The following PTPRD variants were observed in gnomAD, a reference collection of about 807,000 sequenced individuals.
PTPRD encodes the protein receptor-type tyrosine-protein phosphatase delta.
A neutral mutation model predicts 214.5 loss-of-function variants in PTPRD; 34 were observed. That is an observed-to-expected ratio of 0.16 (90% CI 0.12 to 0.21). The LOEUF is 0.21. PTPRD is among the 10% of genes least tolerant of loss of function. The pLI, the probability that PTPRD is intolerant of heterozygous loss-of-function variation, is 1.00. For missense variants in PTPRD, 2,545 were observed against 2,398.7 expected (o/e 1.06, Z -1.27); for synonymous variants, 1,128 against 845.7 (o/e 1.33, Z -5.79).
intron 35 of PTPRD, among the ~76,000 whole-genome samples, chr9:8,430,418 A>C (rs7467813): frequency 0.47 from 70,421 of 150,512 alleles, 17,037 homozygotes; most frequent in East Asian, 0.62. Flanking sequence ...CTACAGGTGC[A>C]TGCCACCACG....
chr9:10,583,730 G>A (rs1002258570), intron 2 of PTPRD, among the ~76,000 whole-genome samples: 12 of 151,730 alleles, frequency 7.9e-5, no homozygotes, highest in African/African-American at 2.7e-4. Flanking sequence ...CGCCTGCCTC[G>A]GCCTCCCAAA....
At chr9:9,175,629 A>ACAAAC (rs1554914061) in intron 10 of PTPRD, among the ~76,000 whole-genome samples, 3,576 of 111,022 alleles carry the variant, frequency 0.032, 121 homozygotes, top group South Asian at 0.06. Flanking sequence ...TCTCAAAAAA[A>ACAAAC]AAAAAAAAAA....
chr9:8,584,073 G>A (rs1213077282), intron 14 of PTPRD, among the ~76,000 whole-genome samples: 1 of 152,150 alleles, frequency 6.6e-6, no homozygotes, highest in Non-Finnish European at 1.5e-5. Context: ...AGGATCACCT[G>A]AGCCTGGTAG....
chr9:10,234,024 G>A (rs1475660327), intron 3 of PTPRD, among the ~76,000 whole-genome samples: 4 of 151,352 alleles, frequency 2.6e-5, no homozygotes, highest in Admixed American at 1.3e-4. Flanking sequence ...AGGCCGAGGC[G>A]GGTGGTTCAC....
At chr9:10,472,440 T>C (rs553853805) in intron 2 of PTPRD, among the ~76,000 whole-genome samples, 3 of 152,286 alleles carry the variant, frequency 2.0e-5, no homozygotes, top group African/African-American at 4.8e-5. Flanking sequence ...AAACCTTGAC[T>C]TTCTTTAACA....
At chr9:10,510,500 AG>A (rs1454648194) in intron 2 of PTPRD, among the ~76,000 whole-genome samples, 1 of 152,160 alleles carries the variant, frequency 6.6e-6, no homozygotes, top group Non-Finnish European at 1.5e-5. Flanking sequence ...TCATATAAAT[AG>A]GGATTATGCA....
chr9:8,521,543 C>T lies in PTPRD; in HGVS notation c.695G>A (p.Arg232His), dbSNP rs868728165. ...GATAGAGAATCTTGGTGGGACACGG[C>T]GAACTGGAACAAAACACAAGGGAAA... ...NLYVRELREVRRVPPRFSIPP... is the reference protein window; with the variant it reads ...NLYVRELREVHRVPPRFSIPP... The change falls in exon 20 of 46, where the codon CGC (arginine) becomes CAC (histidine). Residue 232 changes from arginine to histidine, a missense_variant. Physicochemically the swap from Arg to His is conservative, Grantham distance 29. Coordinates refer to ENST00000381196, the MANE Select transcript of PTPRD (RefSeq NM_002839.4). 1.9e-6 allele frequency: 3 copies of T among 1,612,346 alleles called. No homozygotes were observed. Among genetic ancestry groups the T allele is most frequent in the Non-Finnish European group, 2.5e-6 (3 of 1,179,094 alleles).
chr9:9,983,908 T>C (rs2154069582), intron 4 of PTPRD, among the ~76,000 whole-genome samples: 1 of 152,288 alleles, frequency 6.6e-6, no homozygotes, highest in Non-Finnish European at 1.5e-5. Context: ...TATCATTCTC[T>C]TCCCAGCAAT....
At position 8,607,477 on chromosome 9, in the gene PTPRD, T is replaced by C. The variant is rs1218278491; in HGVS notation, c.352+25840A>G. On this transcript the variant is annotated intron_variant, in intron 14 of 45. Coordinates refer to ENST00000381196, the MANE Select transcript of PTPRD (RefSeq NM_002839.4). ...GGTCAACATGGTGAAACCCCGTCTC[T>C]ACAAAAAATACAAAAATTAGCTGAT... Among the ~76,000 whole-genome samples, 3 of 152,030 alleles carry C rather than the reference T, an allele frequency of 2.0e-5. No individual in the cohort carries two copies. In the South Asian group the frequency reaches 6.2e-4, roughly 31 times the overall value.
At chr9:8,345,122 T>A (rs556163900) in intron 39 of PTPRD, among the ~76,000 whole-genome samples, 1 of 152,064 alleles carries the variant, frequency 6.6e-6, no homozygotes, top group African/African-American at 2.4e-5. Context: ...TTCCAATAAA[T>A]GTGCCTTATA....
chr9:10,241,123 A>C (rs1375204128), intron 3 of PTPRD, among the ~76,000 whole-genome samples: 1 of 151,978 alleles, frequency 6.6e-6, no homozygotes, highest in Admixed American at 6.6e-5. Context: ...ACTATTAAAG[A>C]AATTCAAAAT....
At chr9:9,511,790 T>G (rs942033379) in intron 8 of PTPRD, among the ~76,000 whole-genome samples, 1 of 151,818 alleles carries the variant, frequency 6.6e-6, no homozygotes. Flanking sequence ...TTTTATTATT[T>G]GAGACATTTC....
At chr9:9,321,234 G>T (rs911664269) in intron 9 of PTPRD, among the ~76,000 whole-genome samples, 1 of 152,136 alleles carries the variant, frequency 6.6e-6, no homozygotes, top group Non-Finnish European at 1.5e-5. Context: ...ACATTTAAAA[G>T]TTATCTCCAA....
At chr9:9,939,275 C>T (rs568304383) in intron 4 of PTPRD, among the ~76,000 whole-genome samples, 1 of 152,142 alleles carries the variant, frequency 6.6e-6, no homozygotes, top group Non-Finnish European at 1.5e-5. Context: ...GGGTCTTGTA[C>T]TGCACACAAA....
At chr9:8,755,911 G>A (rs778989693) in intron 11 of PTPRD, among the ~76,000 whole-genome samples, 1 of 152,158 alleles carries the variant, frequency 6.6e-6, no homozygotes, top group Non-Finnish European at 1.5e-5. Flanking sequence ...TTGCTTATCT[G>A]AAAATACAGC....
chr9:9,097,156 C>T (rs959036372), intron 10 of PTPRD, among the ~76,000 whole-genome samples: 15 of 152,086 alleles, frequency 9.9e-5, no homozygotes, highest in Non-Finnish European at 2.1e-4. Context: ...GATTCCTAGG[C>T]ATAAGAGGCA....
intron 3 of PTPRD, among the ~76,000 whole-genome samples, chr9:10,085,639 C>T (rs1354261025): frequency 2.0e-5 from 3 of 151,578 alleles, no homozygotes; most frequent in Non-Finnish European, 2.9e-5. Flanking sequence ...AGAATACTGG[C>T]GCCTGCCTGT....
intron 9 of PTPRD, among the ~76,000 whole-genome samples, chr9:9,351,379 A>G (rs1173396133): frequency 6.6e-6 from 1 of 152,040 alleles, no homozygotes; most frequent in Non-Finnish European, 1.5e-5. Context: ...GTCACCATTT[A>G]TTGAGCTTGT....
intron 12 of PTPRD, chr9:8,713,326 A>G (rs758641996): frequency 3.9e-4 from 322 of 832,340 alleles, no homozygotes; most frequent in Admixed American, 7.7e-5. Flanking sequence ...GGCCTCGGGC[A>G]CACTAAGAGA....
Sources: allele counts gnomAD v4.1 joint callset (sites outside exome capture counted in the v4.1 genomes callset), GRCh38; gene constraint gnomAD v4.1.1; transcripts MANE v1.5; gene names NCBI Gene and HGNC (gene_info 2026-07-23, HGNC 2026-07-21).